Variants in BPIFB2 observed in about 807,000 individuals in gnomAD.
BPIFB2 encodes BPI fold-containing family B member 2.
BPIFB2 carries 39 observed loss-of-function variants against 50.1 expected under a neutral mutation model. That is an observed-to-expected ratio of 0.78 (90% CI 0.60 to 1.02). The LOEUF (loss-of-function observed/expected upper bound fraction) is 1.02, where lower values mean the gene tolerates loss of function less well. Among genes scored for constraint, BPIFB2 ranks in the 50% least tolerant of loss-of-function variants. The pLI is 0.00. For synonymous variants in BPIFB2, 280 were observed against 256.3 expected, an observed-to-expected ratio of 1.09 and a Z score of -0.88; for missense variants, 574 against 585.8, an observed-to-expected ratio of 0.98 and a Z score of 0.21.
rs775589187 is a variant in BPIFB2, at chr20:33,011,579, C to T, written c.203+462C>T. ...AGACACCCCTGGGCTGGTCAACAGT[C>T]ACCTTCCACATAGGAACTAGGGCTC... On this transcript the variant is annotated intron_variant, in intron 3 of 15. Transcript: ENST00000170150. Among the ~76,000 whole-genome samples, 3 of 152,342 alleles carry T rather than the reference C, an allele frequency of 2.0e-5. No homozygotes were observed. The South Asian group carries it at 6.2e-4, about 32-fold the overall frequency.
In BPIFB2 at chr20:33,015,501, AG is replaced by A; in HGVS notation, c.516+8del. 6.2e-7 allele frequency: 1 copy of A among 1,607,900 alleles called. No homozygotes were observed. The highest frequency in any genetic ancestry group is 1.1e-5 in the South Asian group (1 of 90,756). ...AAAGCTGTCTTGAGTAACAAGGTAA[AG>A]GGCTTGCAGATTTCTCAGAAAGGAG... On this transcript the variant is annotated splice_donor_region_variant and intron_variant, in intron 6 of 15. Coordinates refer to ENST00000170150, the MANE Select transcript of BPIFB2 (RefSeq NM_025227.3).
At chr20:33,023,195 G>T in intron 15 of BPIFB2, 147 bp from the exon 16 acceptor site, 1 of 730,672 alleles carries the variant, frequency 1.4e-6, no homozygotes. Context: ...GTGACAGACT[G>T]GTAAACTGAG....
At chr20:33,022,509 C>G (rs755335891) in intron 15 of BPIFB2, among the ~76,000 whole-genome samples, 9 of 152,190 alleles carry the variant, frequency 5.9e-5, no homozygotes, top group Non-Finnish European at 8.8e-5. Context: ...TTCCCTAGGA[C>G]TTCCCAAAAC....
At chr20:33,013,764 C>T in intron 4 of BPIFB2, 46 bp from the exon 5 acceptor site, 2 of 1,586,266 alleles carry the variant, frequency 1.3e-6, no homozygotes, top group Non-Finnish European at 1.7e-6. Flanking sequence ...TCATGGTGGG[C>T]TCTGCTGGGC....
Position 33,018,678 on chromosome 20 carries a change from G to T in BPIFB2, c.711G>T (p.Thr237=), listed in dbSNP as rs147086111. 5 of 1,613,956 alleles carry T rather than the reference G, an allele frequency of 3.1e-6. No individual in the cohort carries two copies. In the South Asian group the frequency reaches 4.4e-5, roughly 14 times the overall value. Residue 237 remains threonine, a synonymous_variant, in exon 9 of 16, where the codon ACG becomes ACT. Transcript: ENST00000170150. The part of the protein sequence containing the change: ...FLLGKPIILP[T]DATPFVLPRH... ...TGGGCAAGCCCATCATCCTGCCCACGGATGCCACCCCTTTTGTGTTGCCAA... is the reference window on the plus strand; with the variant it reads ...TGGGCAAGCCCATCATCCTGCCCACTGATGCCACCCCTTTTGTGTTGCCAA...
chr20:33,012,719 TG>T, intron 3 of BPIFB2, 83 bp from the exon 4 acceptor site: 2 of 1,031,156 alleles, frequency 1.9e-6, no homozygotes, highest in Non-Finnish European at 3.0e-6. Context: ...TAACATCGTG[TG>T]GGTATGGCTC....
chr20:33,018,485 G>T, intron 8 of BPIFB2, 135 bp downstream of exon 8: 1 of 1,285,146 alleles, frequency 7.8e-7, no homozygotes. Flanking sequence ...CCGGGAGCAT[G>T]CCACACAGGC....
chr20:33,011,102 C>T lies in BPIFB2; in HGVS notation c.188C>T (p.Ala63Val), dbSNP rs34128772. 1.6e-3 allele frequency: 2,538 copies of T among 1,613,674 alleles called. 41 individuals are homozygous for T. The African/African-American group carries it at 0.029, about 19-fold the overall frequency. Residue 63 changes from alanine (A) to valine (V), a missense_variant, in exon 3 of 16, where the codon GCG becomes GTG. Physicochemically the swap from Ala to Val is moderately conservative, Grantham distance 64 (BLOSUM62 0). Transcript: ENST00000170150. ...CATTTCCTGGACTGGAGTGGAGAGG[C>T]GCTTCAGCCCACCAGGTGAGTGCTC... is the stretch of plus-strand genomic sequence containing the variant. The part of the protein sequence containing the change: ...VPHFLDWSGE[A>V]LQPTRIRILN...
chr20:33,023,307 C>T (rs753648278), intron 15 of BPIFB2, 35 bp from the exon 16 acceptor site: 2 of 1,608,936 alleles, frequency 1.2e-6, no homozygotes, highest in Non-Finnish European at 1.7e-6. Flanking sequence ...CCTGTGCCTC[C>T]TCTGACCTGG....
intron 2 of BPIFB2, among the ~76,000 whole-genome samples, chr20:33,010,816 T>C (rs1476266246): frequency 1.3e-5 from 2 of 152,058 alleles, no homozygotes; most frequent in African/African-American, 2.4e-5. Flanking sequence ...AAGGAGGTCA[T>C]GCCCAGGTGG....
At chr20:33,023,307 C>G (rs753648278) in intron 15 of BPIFB2, 35 bp from the exon 16 acceptor site, 1 of 1,608,936 alleles carries the variant, frequency 6.2e-7, no homozygotes, top group Admixed American at 1.7e-5. Flanking sequence ...CCTGTGCCTC[C>G]TCTGACCTGG....
chr20:33,018,749 A>T lies in BPIFB2; in HGVS notation c.782A>T (p.Gln261Leu). The T allele has an allele frequency of 1.2e-6, 2 of 1,614,198 alleles. No homozygotes were observed. Among genetic ancestry groups the T allele is most frequent in the African/African-American group, 2.7e-5 (2 of 75,048 alleles). The change falls in exon 9 of 16, where the codon CAG becomes CTG. Residue 261 changes from glutamine (Q) to leucine (L), a missense_variant. Coordinates refer to ENST00000170150, the MANE Select transcript of BPIFB2 (RefSeq NM_025227.3). Reference protein sequence around the residue: ...EGSMATVGLSQQLFDSALLLL... With the variant: ...EGSMATVGLSLQLFDSALLLL... ...TCCATGGCCACCGTGGGCCTCTCCCAGCAGCTGTTTGACTCTGCGCTCCTG... is the reference window on the plus strand; with the variant it reads ...TCCATGGCCACCGTGGGCCTCTCCCTGCAGCTGTTTGACTCTGCGCTCCTG...
intron 15 of BPIFB2, 117 bp from the exon 16 acceptor site, chr20:33,023,225 T>A: frequency 9.7e-7 from 1 of 1,032,112 alleles, no homozygotes; most frequent in Non-Finnish European, 1.5e-6. Flanking sequence ...GGCAAAGGAC[T>A]CTCCTCACAA....
chr20:33,022,741 A>C (rs1234533876), intron 15 of BPIFB2, among the ~76,000 whole-genome samples: 3 of 152,184 alleles, frequency 2.0e-5, no homozygotes, highest in African/African-American at 7.2e-5. Flanking sequence ...GTTTCATTTT[A>C]ATGAATTTCC....
At chr20:33,020,613 A>T in intron 13 of BPIFB2, 26 bp downstream of exon 13, 1 of 1,587,228 alleles carries the variant, frequency 6.3e-7, no homozygotes, top group Non-Finnish European at 8.6e-7. Context: ...GGGCCTCTAG[A>T]AACCCCCGTC....
In BPIFB2 at chr20:33,020,312, C is replaced by A. The variant is rs1236977034; in HGVS notation, c.1081-16C>A. ...TGGCTCTGTGCCCTCTGACCCTGCT[C>A]TCCCCATGTGCCCAGGTAGTGAACT... On this transcript the variant is annotated splice_polypyrimidine_tract_variant and intron_variant, in intron 11 of 15. Coordinates refer to ENST00000170150, the MANE Select transcript of BPIFB2 (RefSeq NM_025227.3). The A allele has an allele frequency of 6.2e-7, 1 of 1,613,562 alleles. No homozygotes were observed. The highest frequency in any genetic ancestry group is 8.5e-7 in the Non-Finnish European group (1 of 1,179,522).
At chr20:33,016,899 C>A in intron 6 of BPIFB2, 143 bp from the exon 7 acceptor site, 1 of 706,626 alleles carries the variant, frequency 1.4e-6, no homozygotes, top group South Asian at 1.9e-5. Context: ...GAGATGCCCA[C>A]TGGCGGGTGG....
rs1217773021 is a variant in BPIFB2, at chr20:33,023,420, C to T, written c.*37C>T. 5.6e-6 allele frequency: 9 copies of T among 1,605,998 alleles called. No individual in the cohort carries two copies. The highest frequency in any genetic ancestry group is 4.5e-5 in the East Asian group (2 of 44,850). On this transcript the variant is annotated 3_prime_UTR_variant, in exon 16 of 16. Coordinates refer to ENST00000170150, the MANE Select transcript of BPIFB2 (RefSeq NM_025227.3). ...TGGGAGGCCTGAGAGTGGGCCAGCT[C>T]GCTGCTCAGGCGAATTTCTCATTTC...
At chr20:33,018,875 C>T (rs965540841) in intron 9 of BPIFB2, 53 bp downstream of exon 9, 1 of 1,582,744 alleles carries the variant, frequency 6.3e-7, no homozygotes, top group African/African-American at 1.3e-5. Flanking sequence ...TCCCTGTGGC[C>T]CAGCCTAGGG....
Sources: allele counts gnomAD v4.1 joint callset (sites outside exome capture counted in the v4.1 genomes callset), GRCh38; gene constraint gnomAD v4.1.1; transcripts MANE v1.5; gene names NCBI Gene and HGNC (gene_info 2026-07-23, HGNC 2026-07-21).